POLR1C: variants seen among roughly 807,000 people sequenced by gnomAD.
POLR1C encodes RNA polymerase I and III subunit C, also known as DNA-directed RNA polymerases I and III subunit RPAC1.
A neutral mutation model predicts 38.3 loss-of-function variants in POLR1C; 42 were observed. The observed-to-expected ratio is 1.10, with a 90% CI of 0.86 to 1.42. The LOEUF is 1.42. POLR1C is among the 40% of genes most tolerant of loss of function. POLR1C has a pLI of 0.00. For synonymous variants in POLR1C, 163 were observed against 163.9 expected (o/e 0.99, Z 0.04); for missense variants, 507 against 450.5 (o/e 1.13, Z -1.14).
downstream of POLR1C, among the ~76,000 whole-genome samples, chr6:43,529,886 TG>T (rs1793850577): frequency 7.4e-6 from 1 of 135,946 alleles, no homozygotes; most frequent in African/African-American, 2.9e-5. Flanking sequence ...CATTCCTGCC[TG>T]GGTAACACTG....
At chr6:43,538,137 A>ATTTTTTTT (rs1794460458) in intron 9 of POLR1C, among the ~76,000 whole-genome samples, 2 of 105,634 alleles carry the variant, frequency 1.9e-5, no homozygotes, top group African/African-American at 8.7e-5. Context: ...CCTAAGAGAC[A>ATTTTTTTT]TCTTTTTTTT....
intron 9 of POLR1C, chr6:43,546,440 A>T: frequency 1.2e-6 from 1 of 868,856 alleles, no homozygotes; most frequent in Non-Finnish European, 1.6e-6. Context: ...GACACCCTCT[A>T]GAAAGAAATA....
At chr6:43,524,086 C>T (rs553941201), downstream of POLR1C, 76 of 1,534,026 alleles carry the variant, frequency 5.0e-5, no homozygotes, top group Admixed American at 3.5e-4. Flanking sequence ...CGCAGTGGCT[C>T]GCGCCTGTAA....
chr6:43,519,784 C>CAGGA lies in POLR1C; in HGVS notation c.328_329insAGGA (p.Leu110GlnfsTer10), dbSNP rs1561857228. On this transcript the variant is annotated frameshift_variant, in exon 4 of 9. Coordinates refer to ENST00000642195, the MANE Select transcript of POLR1C (RefSeq NM_203290.4). LOFTEE classifies it high-confidence loss of function. ...TCAGGATGAGATTCTTGCTCACCGT[C>CAGGA]TGGGGCTCATTCCCATTCATGCTGA... 6.2e-7 allele frequency: 1 copy of CAGGA among 1,614,200 alleles called. No homozygotes were observed. Among genetic ancestry groups the CAGGA allele is most frequent in the Non-Finnish European group, 8.5e-7 (1 of 1,180,034 alleles).
chr6:43,553,526 TACAC>T (rs111634867), intron 10 of POLR1C: 598 of 1,443,118 alleles, frequency 4.1e-4, no homozygotes, highest in East Asian at 1.5e-3. Context: ...CACACACACA[TACAC>T]ACACACACAC....
At chr6:43,526,949 A>G (rs929042838) in intron 8 of POLR1C, 2 of 565,606 alleles carry the variant, frequency 3.5e-6, no homozygotes, top group African/African-American at 1.9e-5. Flanking sequence ...TTCAAGTTCA[A>G]CTAGCTGAGA....
At chr6:43,519,226 T>G in intron 2 of POLR1C, 107 bp from the exon 3 acceptor site, 1 of 742,152 alleles carries the variant, frequency 1.3e-6, no homozygotes. Context: ...CAAAGGGAGG[T>G]TTTTGGATGA....
intron 8 of POLR1C, chr6:43,527,818 C>A: frequency 7.1e-7 from 1 of 1,398,788 alleles, no homozygotes; most frequent in Admixed American, 1.9e-5. Flanking sequence ...CTCTCTCTGA[C>A]CACTTTCTTC....
intron 10 of POLR1C, among the ~76,000 whole-genome samples, chr6:43,556,424 G>C (rs1456870049): frequency 2.6e-5 from 4 of 151,556 alleles, no homozygotes; most frequent in Non-Finnish European, 5.9e-5. Flanking sequence ...ACTTGGGAGA[G>C]TGAGGTAGGA....
At chr6:43,543,883 A>C (rs1794836296) in intron 9 of POLR1C, among the ~76,000 whole-genome samples, 1 of 151,948 alleles carries the variant, frequency 6.6e-6, no homozygotes, top group African/African-American at 2.4e-5. Context: ...CACCATGTTT[A>C]TTGGGCTAGT....
chr6:43,558,347 A>C (rs1281907791), intron 10 of POLR1C, among the ~76,000 whole-genome samples: 1 of 152,012 alleles, frequency 6.6e-6, no homozygotes, highest in Admixed American at 6.6e-5. Context: ...CAGCCCCAGC[A>C]CTCTTCTGCA....
chr6:43,525,854 A>G (rs749896921), downstream of POLR1C: 1 of 1,614,042 alleles, frequency 6.2e-7, no homozygotes, highest in Non-Finnish European at 8.5e-7. Flanking sequence ...GCTTCATCAG[A>G]CATTTGCCCA....
At chr6:43,536,306 T>C (rs1022707548) in intron 9 of POLR1C, among the ~76,000 whole-genome samples, 1 of 151,394 alleles carries the variant, frequency 6.6e-6, no homozygotes, top group African/African-American at 2.4e-5. Flanking sequence ...TCCCAGCTAC[T>C]TGAGAGGTCA....
Position 43,521,457 on chromosome 6 carries a change from G to C in POLR1C, c.*157G>C. 6.7e-7 allele frequency: 1 copy of C among 1,489,030 alleles called. No individual in the cohort carries two copies. The highest frequency in any genetic ancestry group is 8.9e-7 in the Non-Finnish European group (1 of 1,120,288). The allele number at this position is 1,489,030 out of a possible 1,614,324, so 92.2% of individuals were successfully genotyped here. On this transcript the variant is annotated 3_prime_UTR_variant, in exon 9 of 9. Coordinates refer to ENST00000642195, the MANE Select transcript of POLR1C (RefSeq NM_203290.4). Reference sequence around the variant, plus strand: ...TTTTGTTAAATGTGCCATAAAATGAGACTTTTTACGCCTTTATAAGGCCTT... The same window carrying C: ...TTTTGTTAAATGTGCCATAAAATGACACTTTTTACGCCTTTATAAGGCCTT...
chr6:43,562,392 T>C (rs938516054), exon 11 of POLR1C: 4 of 1,403,380 alleles, frequency 2.9e-6, no homozygotes, highest in Non-Finnish European at 4.0e-6. Flanking sequence ...TTAAAAAGGC[T>C]GTAATAAAAA....
In POLR1C at chr6:43,539,155, C is replaced by T. The variant is rs1272406794; in HGVS notation, c.*4+9796C>T. ...GCACAGAGCCACGGCGGCCTGTCAC[C>T]TTGCAGGGGACGGTGTGGGGCTTGC... On this transcript the variant is annotated intron_variant, in intron 9 of 10. Transcript: ENST00000607635. 1.4e-5 allele frequency: 16 copies of T among 1,119,262 alleles called. No homozygotes were observed. The Admixed American group carries it at 2.9e-4, about 20-fold the overall frequency. 69.3% of individuals were successfully genotyped at this position (1,119,262 alleles called of 1,614,324 possible). A position where few individuals can be genotyped will look rare whatever the true frequency, so the allele number is the denominator to read the frequency against.
intron 9 of POLR1C, among the ~76,000 whole-genome samples, chr6:43,534,908 T>C (rs548683760): frequency 6.6e-6 from 1 of 152,126 alleles, no homozygotes; most frequent in East Asian, 1.9e-4. Context: ...TAAGGCAGAA[T>C]TGCTTGAACT....
intron 9 of POLR1C, among the ~76,000 whole-genome samples, chr6:43,543,952 T>C (rs1389206026): frequency 6.6e-6 from 1 of 152,174 alleles, no homozygotes; most frequent in Non-Finnish European, 1.5e-5. Flanking sequence ...GCTGGGATTA[T>C]AGGCATGAGC....
chr6:43,555,851 C>A, intron 10 of POLR1C: 1 of 1,613,840 alleles, frequency 6.2e-7, no homozygotes, highest in Non-Finnish European at 8.5e-7. Context: ...ACAGAACCAG[C>A]ATCAAGAAAA....
Sources: allele counts gnomAD v4.1 joint callset (sites outside exome capture counted in the v4.1 genomes callset), GRCh38; gene constraint gnomAD v4.1.1; transcripts MANE v1.5; gene names NCBI Gene and HGNC (gene_info 2026-07-23, HGNC 2026-07-21).